The following AATK variants were observed in gnomAD, a reference collection of about 807,000 sequenced individuals.
AATK encodes the protein lemur tail kinase 1, also known as serine/threonine-protein kinase LMTK1.
In AATK, 91 loss-of-function variants were observed where a neutral mutation model predicts 114.3. The ratio of observed to expected loss-of-function variants is 0.80; its 90% confidence interval spans 0.67 to 0.95. The LOEUF is 0.95. AATK is among the 40% of genes least tolerant of loss of function. AATK has a pLI of 0.00. For missense variants in AATK, 2,176 were observed against 1,965.2 expected, an observed-to-expected ratio of 1.11 and a Z score of -2.03; for synonymous variants, 1,075 against 916.5, an observed-to-expected ratio of 1.17 and a Z score of -3.12.
chr17:81,119,379 C>T lies in AATK; in HGVS notation c.4084+1G>A, dbSNP rs1190394795. ...CTGCCACAGCCCCGCCCAGGCCTCA[C>T]CTCTCTTGGACTCGGCGTCCGAGTC... On this transcript the variant is annotated splice_donor_variant, in intron 13 of 13. Coordinates refer to ENST00000326724, the MANE Select transcript of AATK (RefSeq NM_001080395.3). LOFTEE classifies it high-confidence loss of function. 6.4e-7 allele frequency: 1 copy of T among 1,574,108 alleles called. No individual in the cohort carries two copies. The highest frequency in any genetic ancestry group is 8.6e-7 in the Non-Finnish European group (1 of 1,166,478).
In AATK at chr17:81,123,396, A is replaced by G. The variant is rs549575424; in HGVS notation, c.963-53T>C. ...CTGGGCACAGCCTGCCACAGCAAGG[A>G]CCGCGCAGGATCCCCGGGGCGCCGA... On this transcript the variant is annotated intron_variant, in intron 9 of 13. Transcript: ENST00000326724. The G allele has an allele frequency of 6.0e-4, 790 of 1,312,290 alleles. 6 individuals are homozygous for G. In the African/African-American group the frequency reaches 0.011, roughly 18 times the overall value. The allele number at this position is 1,312,290 out of a possible 1,614,324, so 81.3% of individuals were successfully genotyped here.
intron 1 of AATK, among the ~76,000 whole-genome samples, chr17:81,145,139 G>C (rs181955479): frequency 1.3e-5 from 2 of 151,284 alleles, no homozygotes; most frequent in Non-Finnish European, 2.9e-5. Context: ...AGGCTGAGGC[G>C]GGAAAATCGC....
chr17:81,147,905 T>C (rs60780072), intron 1 of AATK, among the ~76,000 whole-genome samples: 9 of 152,062 alleles, frequency 5.9e-5, no homozygotes, highest in Non-Finnish European at 2.9e-5. Flanking sequence ...GATGTGCATA[T>C]ACATATTTGA....
At chr17:81,147,773 TAAAC>T in intron 1 of AATK, among the ~76,000 whole-genome samples, 1 of 152,120 alleles carries the variant, frequency 6.6e-6, no homozygotes, top group African/African-American at 2.4e-5. Context: ...GAAGGTGTTT[TAAAC>T]AAACGGGAAG....
At chr17:81,157,504 G>T (rs1053435669) in intron 1 of AATK, among the ~76,000 whole-genome samples, 4 of 152,158 alleles carry the variant, frequency 2.6e-5, no homozygotes, top group African/African-American at 9.7e-5. Flanking sequence ...GTTCCCGGGG[G>T]TTACCACCCC....
At chr17:81,138,106 G>A (rs111218946) in intron 1 of AATK, among the ~76,000 whole-genome samples, 4,632 of 144,202 alleles carry the variant, frequency 0.032, 81 homozygotes, top group Middle Eastern at 0.055. Flanking sequence ...GGACACATAC[G>A]TGTGCACACA....
At chr17:81,128,842 C>G (rs993793062) in intron 3 of AATK, 2 of 1,206,946 alleles carry the variant, frequency 1.7e-6, no homozygotes, top group Non-Finnish European at 2.1e-6. Flanking sequence ...CAGCAGGGCC[C>G]GGAGCTCGAC....
intron 9 of AATK, among the ~76,000 whole-genome samples, 195 bp downstream of exon 9, chr17:81,124,531 CT>C (rs1413247858): frequency 6.6e-6 from 1 of 152,210 alleles, no homozygotes; most frequent in Non-Finnish European, 1.5e-5. Context: ...CATGGGGTCC[CT>C]GGGGCACCCT....
rs563582759 is a variant in AATK, at chr17:81,141,079, G to A, written c.56-6578C>T. Among the ~76,000 whole-genome samples the A allele has an allele frequency of 3.9e-5, 6 of 151,950 alleles. No individual in the cohort carries two copies. The East Asian group carries it at 5.8e-4, about 15-fold the overall frequency. On this transcript the variant is annotated intron_variant, in intron 1 of 13. Coordinates refer to ENST00000326724, the MANE Select transcript of AATK (RefSeq NM_001080395.3). Reference sequence around the variant, plus strand: ...CGTGGGGCCGTGGGGGCTAGGAGCCGTGGATGCAAGGGGCTGGAAAGGCCA... The same window carrying A: ...CGTGGGGCCGTGGGGGCTAGGAGCCATGGATGCAAGGGGCTGGAAAGGCCA...
At chr17:81,139,694 C>T (rs2061094359) in intron 1 of AATK, among the ~76,000 whole-genome samples, 1 of 152,260 alleles carries the variant, frequency 6.6e-6, no homozygotes, top group South Asian at 2.1e-4. Context: ...CCCTCCAACC[C>T]TGGTGACCCC....
chr17:81,155,657 T>A (rs965730047), intron 1 of AATK, among the ~76,000 whole-genome samples: 9 of 152,078 alleles, frequency 5.9e-5, no homozygotes, highest in Non-Finnish European at 1.2e-4. Flanking sequence ...GTGCTGGGAT[T>A]GCAGGCATGA....
At chr17:81,138,398 C>A (rs2061057940) in intron 1 of AATK, among the ~76,000 whole-genome samples, 1 of 149,958 alleles carries the variant, frequency 6.7e-6, no homozygotes, top group Admixed American at 6.6e-5. Context: ...TGCACACACA[C>A]CCCCACACGT....
chr17:81,159,514 G>A (rs1322354313), intron 1 of AATK, among the ~76,000 whole-genome samples: 3 of 152,114 alleles, frequency 2.0e-5, no homozygotes, highest in Non-Finnish European at 4.4e-5. Context: ...TTTTTCGCAG[G>A]GGGTTCGAGG....
chr17:81,153,617 G>T (rs1395236526), intron 1 of AATK, among the ~76,000 whole-genome samples: 1 of 152,136 alleles, frequency 6.6e-6, no homozygotes, highest in Non-Finnish European at 1.5e-5. Flanking sequence ...GCTTTGTGAT[G>T]GTGTTGTTGC....
chr17:81,165,029 G>A (rs888643274), intron 1 of AATK, among the ~76,000 whole-genome samples: 1 of 152,236 alleles, frequency 6.6e-6, no homozygotes, highest in Admixed American at 6.5e-5. Flanking sequence ...CATGCAAACA[G>A]GCTTTGTTTG....
At chr17:81,130,474 C>T (rs1321181042) in intron 3 of AATK, among the ~76,000 whole-genome samples, 2 of 152,204 alleles carry the variant, frequency 1.3e-5, no homozygotes, top group African/African-American at 2.4e-5. Context: ...GCCCTGCCTG[C>T]ACCTGCACTC....
At chr17:81,135,470 C>T (rs115014021) in intron 1 of AATK, among the ~76,000 whole-genome samples, 289 of 152,266 alleles carry the variant, frequency 1.9e-3, no homozygotes, top group African/African-American at 6.5e-3. Context: ...GGAGATTTTC[C>T]GGCCACCCCC....
intron 1 of AATK, among the ~76,000 whole-genome samples, chr17:81,137,515 C>A (rs1206733297): frequency 1.3e-5 from 2 of 152,104 alleles, no homozygotes; most frequent in Admixed American, 1.3e-4. Flanking sequence ...ATTCCTGGAG[C>A]CTTCTCTGTG....
Position 81,122,331 on chromosome 17 carries a change from C to A in AATK, c.1605G>T (p.Glu535Asp). 1.3e-6 allele frequency: 2 copies of A among 1,513,300 alleles called. No individual in the cohort carries two copies. The highest frequency in any genetic ancestry group is 1.8e-6 in the Non-Finnish European group (2 of 1,135,402). 93.7% of individuals were successfully genotyped at this position (1,513,300 alleles called of 1,614,324 possible). A position where few individuals can be genotyped will look rare whatever the true frequency, so the allele number is the denominator to read the frequency against. Residue 535 changes from glutamate (E) to aspartate (D), a missense_variant, in exon 11 of 14, where the codon GAG becomes GAT. By Grantham distance (45) the Glu-to-Asp change is conservative. Coordinates refer to ENST00000326724, the MANE Select transcript of AATK (RefSeq NM_001080395.3). Reference protein sequence around the residue: ...SLGSEYFIRLEEAAPAAGHDP... With the variant: ...SLGSEYFIRLDEAAPAAGHDP... ...CGTGGCCGGCGGCGGGTGCGGCCTC[C>A]TCTAGGCGGATGAAGTACTCGCTGC...
Sources: allele counts gnomAD v4.1 joint callset (sites outside exome capture counted in the v4.1 genomes callset), GRCh38; gene constraint gnomAD v4.1.1; transcripts MANE v1.5; gene names NCBI Gene and HGNC (gene_info 2026-07-23, HGNC 2026-07-21).